Variants in ADD3 observed in about 807,000 individuals in gnomAD.
ADD3 encodes the protein gamma-adducin.
Under a neutral mutation model 80.2 loss-of-function variants are expected in ADD3, and 25 were observed. The ratio of observed to expected loss-of-function variants is 0.31; its 90% CI spans 0.23 to 0.44. The LOEUF is 0.44. ADD3 is among the 20% of genes least tolerant of loss of function. The probability of loss-of-function intolerance (pLI) is 1.00; values close to 1 mark genes in which losing one functional copy is unlikely to be tolerated. For synonymous variants in ADD3, 284 were observed against 289.6 expected (o/e 0.98, Z 0.20); for missense variants, 829 against 847.5 (o/e 0.98, Z 0.27).
intron 1 of ADD3, among the ~76,000 whole-genome samples, chr10:110,044,161 C>T (rs913944391): frequency 6.6e-6 from 1 of 152,134 alleles, no homozygotes; most frequent in African/African-American, 2.4e-5. Context: ...AAGATCATGC[C>T]CCTGAACTCC....
At chr10:110,006,159 G>A (rs1192772920), upstream of ADD3, 1 of 153,684 alleles carries the variant, frequency 6.5e-6, no homozygotes, top group Non-Finnish European at 1.5e-5. Context: ...TGGGTAAGGA[G>A]ATCTATCTAG....
intron 1 of ADD3, among the ~76,000 whole-genome samples, chr10:110,076,099 A>G (rs966983419): frequency 2.6e-5 from 4 of 152,232 alleles, no homozygotes; most frequent in African/African-American, 7.2e-5. Flanking sequence ...TTTAAATTCT[A>G]TGTAAACAAT....
At chr10:110,037,307 C>A (rs752692787) in intron 1 of ADD3, among the ~76,000 whole-genome samples, 4 of 152,128 alleles carry the variant, frequency 2.6e-5, no homozygotes, top group Non-Finnish European at 5.9e-5. Context: ...CACAGTTCAG[C>A]TTCTTAAGTT....
In ADD3 at chr10:110,053,020, AAACAC is replaced by A. The variant is rs1857707821; in HGVS notation, c.-30+44723_-30+44727del. On this transcript the variant is annotated intron_variant, in intron 1 of 14. Transcript: ENST00000356080. ...GTTTAGAAAATGGAAACAAACAAACAAACACATGGGAATAACTATGCAAACACAAT... is the reference window on the plus strand; with the variant it reads ...GTTTAGAAAATGGAAACAAACAAACAATGGGAATAACTATGCAAACACAAT... Among the ~76,000 whole-genome samples the A allele has an allele frequency of 2.0e-5, 3 of 152,358 alleles. No homozygotes were observed. The South Asian group carries it at 6.2e-4, about 32-fold the overall frequency.
At chr10:110,093,839 A>G (rs1051768624) in intron 1 of ADD3, among the ~76,000 whole-genome samples, 4 of 152,002 alleles carry the variant, frequency 2.6e-5, no homozygotes, top group African/African-American at 7.2e-5. Context: ...GTGTGTGTGT[A>G]TGTATGAAAA....
rs1003511379 is a variant in ADD3, at chr10:110,122,047, A to G, written c.961-63A>G. On this transcript the variant is annotated intron_variant, in intron 8 of 14. Coordinates refer to ENST00000356080, the MANE Select transcript of ADD3 (RefSeq NM_016824.5). The stretch of plus-strand genomic sequence containing the variant: ...CAAATTGAAATTGTGCCTTTTTGAA[A>G]GTAAAATACTCATTACAGTCTTTAT... 7.8e-6 allele frequency: 11 copies of G among 1,407,434 alleles called. No homozygotes were observed. In the Middle Eastern group the frequency reaches 5.6e-4, roughly 72 times the overall value. The allele number at this position is 1,407,434 out of a possible 1,614,324, so 87.2% of individuals were successfully genotyped here. A position where few individuals can be genotyped will look rare whatever the true frequency, so the allele number is the denominator to read the frequency against.
At chr10:110,126,234 C>G (rs1439100350) in intron 11 of ADD3, among the ~76,000 whole-genome samples, 183 bp from the exon 12 acceptor site, 1 of 152,206 alleles carries the variant, frequency 6.6e-6, no homozygotes, top group East Asian at 1.9e-4. Context: ...AATAACTTGC[C>G]ATAAAGAGCA....
At chr10:110,133,289 T>C (rs1428318069) in intron 14 of ADD3, 37 bp from the exon 15 acceptor site, 23 of 1,540,480 alleles carry the variant, frequency 1.5e-5, no homozygotes, top group Non-Finnish European at 2.0e-5. Context: ...ATGTTAAGTA[T>C]GTAAAATAAC....
intron 1 of ADD3, among the ~76,000 whole-genome samples, chr10:110,040,238 A>G (rs907139646): frequency 2.6e-5 from 4 of 151,872 alleles, no homozygotes; most frequent in African/African-American, 7.3e-5. Flanking sequence ...AGACATTGCT[A>G]GTTTGAATGA....
At chr10:110,097,571 A>T (rs1848316182) in intron 1 of ADD3, among the ~76,000 whole-genome samples, 1 of 152,144 alleles carries the variant, frequency 6.6e-6, no homozygotes, top group South Asian at 2.1e-4. Context: ...TGTTGTAATT[A>T]TCAGTTTCAG....
intron 1 of ADD3, among the ~76,000 whole-genome samples, chr10:110,061,481 A>C (rs1352501959): frequency 1.3e-5 from 2 of 152,326 alleles, no homozygotes; most frequent in East Asian, 3.9e-4. Flanking sequence ...AGCATCTTCA[A>C]GAAGTACTTT....
Position 110,100,858 on chromosome 10 carries a change from A to T in ADD3, c.195+10A>T, listed in dbSNP as rs201508110. Reference sequence around the variant, plus strand: ...GATCCTGCAAAGTCCTGTGAGTTGAATTAGAAGGCTGTAATTTTTCTCCCT... The same window carrying T: ...GATCCTGCAAAGTCCTGTGAGTTGATTTAGAAGGCTGTAATTTTTCTCCCT... On this transcript the variant is annotated intron_variant, in intron 2 of 14. Coordinates refer to ENST00000356080, the MANE Select transcript of ADD3 (RefSeq NM_016824.5). The T allele has an allele frequency of 3.0e-5, 47 of 1,563,254 alleles. No individual in the cohort carries two copies. Among genetic ancestry groups the T allele is most frequent in the Non-Finnish European group, 3.9e-5 (45 of 1,157,758 alleles).
intron 1 of ADD3, among the ~76,000 whole-genome samples, chr10:110,096,416 G>T (rs1848161058): frequency 6.6e-6 from 1 of 152,176 alleles, no homozygotes; most frequent in Non-Finnish European, 1.5e-5. Flanking sequence ...TGTTATTACA[G>T]CACCAGTAAC....
intron 1 of ADD3, among the ~76,000 whole-genome samples, chr10:110,094,872 G>C (rs1268371822): frequency 6.6e-6 from 1 of 152,126 alleles, no homozygotes; most frequent in East Asian, 1.9e-4. Context: ...TGCGGTCTTG[G>C]CATATCTTTG....
chr10:110,004,991 G>T (rs1314053134), upstream of ADD3, among the ~76,000 whole-genome samples: 1 of 152,092 alleles, frequency 6.6e-6, no homozygotes, highest in East Asian at 1.9e-4. Flanking sequence ...CACTGAAATA[G>T]CATTAATACT....
chr10:110,100,609 G>C lies in ADD3; in HGVS notation c.-29-16G>C, dbSNP rs370819901. On this transcript the variant is annotated splice_polypyrimidine_tract_variant and intron_variant, in intron 1 of 14. Coordinates refer to ENST00000356080, the MANE Select transcript of ADD3 (RefSeq NM_016824.5). ...GAATTTATCATGGATGTCCTTCTTT[G>C]TGTTTATTAATGCAGATAACAAGAG... 1.9e-5 allele frequency: 27 copies of C among 1,435,870 alleles called. No individual in the cohort carries two copies. The highest frequency in any genetic ancestry group is 1.3e-4 in the East Asian group (5 of 39,244). The allele number at this position is 1,435,870 out of a possible 1,614,324, so 88.9% of individuals were successfully genotyped here. A position where few individuals can be genotyped will look rare whatever the true frequency, so the allele number is the denominator to read the frequency against.
At chr10:110,069,946 A>G (rs1844463289) in intron 1 of ADD3, among the ~76,000 whole-genome samples, 1 of 152,204 alleles carries the variant, frequency 6.6e-6, no homozygotes, top group South Asian at 2.1e-4. Context: ...TAAATTATAC[A>G]CACCACAGTA....
At chr10:110,023,679 C>T (rs925954604) in intron 1 of ADD3, among the ~76,000 whole-genome samples, 1 of 152,164 alleles carries the variant, frequency 6.6e-6, no homozygotes, top group Admixed American at 6.5e-5. Context: ...TCTTCCCAAA[C>T]ATAAACATTT....
chr10:110,093,057 C>T (rs1163231500), intron 1 of ADD3, among the ~76,000 whole-genome samples: 1 of 152,144 alleles, frequency 6.6e-6, no homozygotes, highest in African/African-American at 2.4e-5. Context: ...TGGGGTTTCA[C>T]CATATTTGCC....
Sources: allele counts gnomAD v4.1 joint callset (sites outside exome capture counted in the v4.1 genomes callset), GRCh38; gene constraint gnomAD v4.1.1; transcripts MANE v1.5; gene names NCBI Gene and HGNC (gene_info 2026-07-23, HGNC 2026-07-21).